Variants in SAMSN1 observed in about 807,000 individuals in gnomAD.
The protein encoded by SAMSN1 is SAM domain, SH3 domain and nuclear localization signals 1.
In SAMSN1, 31 loss-of-function variants were observed where a neutral mutation model predicts 42.0. The ratio of observed to expected loss-of-function variants is 0.74; its 90% CI spans 0.55 to 1.00. The LOEUF (loss-of-function observed/expected upper bound fraction) is 1.00. Ranked by LOEUF, SAMSN1 falls within the 50% of genes least tolerant of loss-of-function variation. The pLI, the probability that SAMSN1 is intolerant of heterozygous loss-of-function variation, is 0.00. For synonymous variants in SAMSN1, 178 were observed against 151.9 expected (o/e 1.17, Z -1.26); for missense variants, 464 against 439.4 (o/e 1.06, Z -0.50).
At position 14,577,268 on chromosome 21, in the gene SAMSN1, ATATATATATATATATATTTT is replaced by A. The variant is rs1173718870; in HGVS notation, c.261+4848_261+4867del. Reference sequence around the variant, plus strand: ...TATATATATATATATATATATATATATATATATATATATATATTTTTTTTTTAGAAGAGACAGGGTTTTAC... The same window carrying A: ...TATATATATATATATATATATATATATTTTTTAGAAGAGACAGGGTTTTAC... On this transcript the variant is annotated intron_variant, in intron 2 of 8. Coordinates refer to the SAMSN1 transcript ENST00000285670. 1.7e-4 allele frequency among the ~76,000 whole-genome samples: 8 copies of A among 45,862 alleles called. 1 individual carries two copies. Among genetic ancestry groups the A allele is most frequent in the African/African-American group, 5.9e-4 (4 of 6,806 alleles). 30.1% of individuals were successfully genotyped at this position (45,862 alleles called of 152,430 possible).
At position 14,614,245 on chromosome 21, in the gene SAMSN1, T is replaced by C. The variant is rs188648279; in HGVS notation, c.198-1332A>G. ...TAACATACACTGAAGCATGAAATTATGTGTCTGGCATCTGCTTTATTAATA... is the reference window on the plus strand; with the variant it reads ...TAACATACACTGAAGCATGAAATTACGTGTCTGGCATCTGCTTTATTAATA... On this transcript the variant is annotated intron_variant, in intron 3 of 15. Transcript: ENST00000647101. Among the ~76,000 whole-genome samples, 119 of 152,298 alleles carry C rather than the reference T, an allele frequency of 7.8e-4. 1 individual carries two copies. The highest frequency in any genetic ancestry group is 2.8e-3 in the African/African-American group (116 of 41,544).
chr21:14,619,275 T>C (rs1175777809), intron 2 of SAMSN1, among the ~76,000 whole-genome samples: 1 of 152,182 alleles, frequency 6.6e-6, no homozygotes, highest in African/African-American at 2.4e-5. Context: ...AAAGGAAAAA[T>C]GTAAATATGT....
chr21:14,534,993 A>G (rs927979632), intron 1 of SAMSN1, among the ~76,000 whole-genome samples: 3 of 152,130 alleles, frequency 2.0e-5, no homozygotes, highest in Admixed American at 2.0e-4. Flanking sequence ...ATTCGAATAG[A>G]TAAGAATTCA....
At chr21:14,541,820 C>G (rs1261878290) in intron 1 of SAMSN1, among the ~76,000 whole-genome samples, 1 of 151,856 alleles carries the variant, frequency 6.6e-6, no homozygotes, top group Non-Finnish European at 1.5e-5. Context: ...AGCAAAACCC[C>G]CATGTCTACA....
intron 2 of SAMSN1, among the ~76,000 whole-genome samples, chr21:14,633,502 A>G (rs1983384292): frequency 6.6e-6 from 1 of 152,232 alleles, no homozygotes; most frequent in South Asian, 2.1e-4. Context: ...AGTTCTATTT[A>G]GGAACCAAGC....
At chr21:14,529,466 A>T (rs761119418) in intron 1 of SAMSN1, among the ~76,000 whole-genome samples, 2 of 152,220 alleles carry the variant, frequency 1.3e-5, no homozygotes, top group Non-Finnish European at 2.9e-5. Flanking sequence ...ATCATGTTGC[A>T]ACTAATGACA....
rs3746827 is a variant in SAMSN1 at position 14,486,291 on chromosome 21, A to C, written c.920-177T>G. Among the ~76,000 whole-genome samples, 296 of 152,284 alleles carry C rather than the reference A, an allele frequency of 1.9e-3. 4 individuals are homozygous for C. In the East Asian group the frequency reaches 0.045, roughly 23 times the overall value. ...ATTACAAAAGAGATATTTGCACCCA[A>C]ATATTCAAGCTACTGTTTTATTAGA... On this transcript the variant is annotated intron_variant, in intron 7 of 7. Transcript: ENST00000400566.
At chr21:14,596,192 C>T (rs1380295700) in intron 6 of SAMSN1, among the ~76,000 whole-genome samples, 2 of 152,050 alleles carry the variant, frequency 1.3e-5, no homozygotes, top group African/African-American at 4.8e-5. Context: ...TTTTATTTCA[C>T]CGGAAACAAG....
At chr21:14,499,537 T>C (rs925393127) in intron 6 of SAMSN1, among the ~76,000 whole-genome samples, 1 of 151,552 alleles carries the variant, frequency 6.6e-6, no homozygotes, top group Admixed American at 6.6e-5. Context: ...ATGACAATTC[T>C]TTCTTTAAAA....
intron 2 of SAMSN1, among the ~76,000 whole-genome samples, chr21:14,623,821 A>G (rs1199399046): frequency 6.6e-6 from 1 of 152,222 alleles, no homozygotes; most frequent in African/African-American, 2.4e-5. Context: ...AACAGAATAT[A>G]CATTCTTTTC....
At chr21:14,644,753 G>A (rs1349056904) in intron 1 of SAMSN1, among the ~76,000 whole-genome samples, 3 of 152,044 alleles carry the variant, frequency 2.0e-5, no homozygotes, top group East Asian at 3.9e-4. Context: ...TGCTTGGATG[G>A]CATTTCTGGA....
chr21:14,486,606 A>C (rs150771276), intron 7 of SAMSN1, among the ~76,000 whole-genome samples: 1 of 152,308 alleles, frequency 6.6e-6, no homozygotes, highest in Admixed American at 6.5e-5. Flanking sequence ...ATAAGTAAGA[A>C]TGTACAGTAG....
chr21:14,565,812 T>C (rs1443507633), intron 2 of SAMSN1, among the ~76,000 whole-genome samples: 2 of 152,112 alleles, frequency 1.3e-5, no homozygotes, highest in African/African-American at 4.8e-5. Context: ...ATAAATACAA[T>C]GCTAGCCACA....
At chr21:14,609,474 G>A (rs916098618) in intron 5 of SAMSN1, 1 of 717,618 alleles carries the variant, frequency 1.4e-6, no homozygotes, top group African/African-American at 1.7e-5. Flanking sequence ...ACTAAATTTA[G>A]CAATTACCTT....
chr21:14,616,352 T>C (rs994687111), intron 2 of SAMSN1, among the ~76,000 whole-genome samples: 1 of 151,974 alleles, frequency 6.6e-6, no homozygotes, highest in Non-Finnish European at 1.5e-5. Context: ...AAACATCCAA[T>C]TAAATCCTCA....
At chr21:14,616,921 G>A (rs1001996210) in intron 2 of SAMSN1, among the ~76,000 whole-genome samples, 15 of 152,260 alleles carry the variant, frequency 9.9e-5, no homozygotes, top group Non-Finnish European at 1.9e-4. Flanking sequence ...GTGAAATCCA[G>A]GATAACCTTT....
chr21:14,589,016 C>G (rs1229574907), intron 7 of SAMSN1, among the ~76,000 whole-genome samples: 2 of 151,970 alleles, frequency 1.3e-5, no homozygotes, highest in Non-Finnish European at 2.9e-5. Flanking sequence ...TGTCTATAAA[C>G]AGAAATATCT....
upstream of SAMSN1, among the ~76,000 whole-genome samples, chr21:14,587,835 GTA>G (rs1317481878): frequency 6.6e-6 from 1 of 150,756 alleles, no homozygotes; most frequent in Admixed American, 6.6e-5. Flanking sequence ...AGTTACATAT[GTA>G]TACATGTGCC....
chr21:14,644,780 G>A (rs940625626), intron 1 of SAMSN1, among the ~76,000 whole-genome samples: 1 of 152,032 alleles, frequency 6.6e-6, no homozygotes, highest in African/African-American at 2.4e-5. Flanking sequence ...CTGGGCCAGA[G>A]GGGAGTCCAG....
Sources: gnomAD v4.1 joint callset for allele counts (sites outside exome capture counted in the v4.1 genomes callset) on GRCh38, gnomAD v4.1.1 for gene constraint, MANE v1.5 for transcripts, NCBI Gene and HGNC (gene_info 2026-07-23, HGNC 2026-07-21) for gene names.